CCDC66: variants seen among roughly 807,000 people sequenced by gnomAD.
CCDC66 encodes coiled-coil domain containing 66.
A neutral mutation model predicts 128.3 loss-of-function variants in CCDC66; 133 were observed. The ratio of observed to expected loss-of-function variants is 1.04; its 90% CI spans 0.90 to 1.20. The LOEUF (loss-of-function observed/expected upper bound fraction) is 1.20. Among genes scored for constraint, CCDC66 ranks in the 50% most tolerant of loss-of-function variants. CCDC66 has a pLI of 0.00. For synonymous variants in CCDC66, 387 were observed against 357.0 expected, an observed-to-expected ratio of 1.08 and a Z score of -0.95; for missense variants, 1,126 against 1,075.5, an observed-to-expected ratio of 1.05 and a Z score of -0.66.
rs776114746 is a variant in CCDC66 at position 56,557,217 on chromosome 3, C to G, written c.-26C>G. On this transcript the variant is annotated 5_prime_UTR_variant, in exon 1 of 18. Transcript: ENST00000394672. ...GACGTACACAAGGGGCTTGAGCGTTCTGTGGAGAGAGTGCGAGGTCAGGCC... is the reference window on the plus strand; with the variant it reads ...GACGTACACAAGGGGCTTGAGCGTTGTGTGGAGAGAGTGCGAGGTCAGGCC... 2 of 1,550,918 alleles carry G rather than the reference C, an allele frequency of 1.3e-6. No homozygotes were observed. Among genetic ancestry groups the G allele is most frequent in the East Asian group, 2.4e-5 (1 of 40,834 alleles).
At chr3:56,615,396 T>TGG in intron 12 of CCDC66, 124 bp downstream of exon 12, 1 of 871,662 alleles carries the variant, frequency 1.1e-6, no homozygotes, top group Non-Finnish European at 1.7e-6. Flanking sequence ...AGTGGTGCCA[T>TGG]CACAGCTCAC....
rs370165016 is a variant in CCDC66, at chr3:56,619,388, T to TCAAA, written c.2499_2502dup (p.Glu835AsnfsTer9). 1.1e-5 allele frequency: 17 copies of TCAAA among 1,614,004 alleles called. 1 individual carries two copies. The South Asian group carries it at 1.4e-4, about 14-fold the overall frequency. ...GAGAGAATTTGATCTCAGGAAGTAA[T>TCAAA]CAAACAGAATTATCATCTGGGATTT... On this transcript the variant is annotated frameshift_variant, in exon 16 of 18. Transcript: ENST00000394672. LOFTEE classifies it high-confidence loss of function.
chr3:56,581,104 T>C (rs1280755263), intron 7 of CCDC66, among the ~76,000 whole-genome samples: 1 of 147,062 alleles, frequency 6.8e-6, no homozygotes, highest in East Asian at 2.2e-4. Context: ...TTTGTTTGTT[T>C]CTTTTTACTC....
At position 56,593,114 on chromosome 3, in the gene CCDC66, G is replaced by A; in HGVS notation, c.1068+13G>A. On this transcript the variant is annotated intron_variant, in intron 8 of 17. Transcript: ENST00000394672. ...TATATATTCAAAGGTAACTTATGAG[G>A]TTTTGTGGCTATAAAAGAAAAAATA... 1 of 1,544,310 alleles carries A rather than the reference G, an allele frequency of 6.5e-7. No homozygotes were observed. Among genetic ancestry groups the A allele is most frequent in the Non-Finnish European group, 8.8e-7 (1 of 1,141,484 alleles).
At chr3:56,583,838 C>A (rs975649250) in intron 7 of CCDC66, among the ~76,000 whole-genome samples, 5 of 150,734 alleles carry the variant, frequency 3.3e-5, no homozygotes, top group African/African-American at 1.2e-4. Flanking sequence ...GGGTGGCGGC[C>A]AGGAAGAGGG....
rs763711096 is a variant in CCDC66, at chr3:56,619,817, C to T, written c.2676C>T (p.Val892=). Residue 892 remains valine (V), a synonymous_variant, in exon 17 of 18, where the codon GTC becomes GTT. Coordinates refer to ENST00000394672, the MANE Select transcript of CCDC66 (RefSeq NM_001141947.3). ...GACAGCTATTTGATTCTGACTGTGT[C>T]AGGGATCCACTTCTTAATCCTAACA... ...QKRQLFDSDC[V]RDPLLNPNMV... is the part of the protein sequence containing the mutation. 6.2e-7 allele frequency: 1 copy of T among 1,614,064 alleles called. No homozygotes were observed. The highest frequency in any genetic ancestry group is 1.1e-5 in the South Asian group (1 of 91,056).
intron 17 of CCDC66, chr3:56,620,278 A>T (rs942125112): frequency 2.5e-5 from 4 of 157,212 alleles, no homozygotes; most frequent in African/African-American, 9.6e-5. Context: ...ACGTGTTGGC[A>T]GTGTTTGTTA....
Position 56,576,721 on chromosome 3 carries a change from A to G in CCDC66, c.936+5419A>G, listed in dbSNP as rs1010218135. ...GGTTTCCAGCTTCATCCATGTCCCT[A>G]CAAAGGACATGAACTCATCTTTTTT... is the stretch of plus-strand genomic sequence containing the variant. On this transcript the variant is annotated intron_variant, in intron 7 of 17. Transcript: ENST00000394672. Among the ~76,000 whole-genome samples, 6 of 151,516 alleles carry G rather than the reference A, an allele frequency of 4.0e-5. 1 individual carries two copies. In the Admixed American group the frequency reaches 4.0e-4, roughly 10 times the overall value.
At chr3:56,563,271 G>T (rs1311185317) in intron 3 of CCDC66, among the ~76,000 whole-genome samples, 1 of 151,974 alleles carries the variant, frequency 6.6e-6, no homozygotes, top group Non-Finnish European at 1.5e-5. Flanking sequence ...TGAGGCAGGA[G>T]AATTGCTTCA....
intron 8 of CCDC66, 150 bp downstream of exon 8, chr3:56,593,251 T>C (rs750604187): frequency 3.8e-6 from 3 of 782,954 alleles, no homozygotes; most frequent in Non-Finnish European, 5.9e-6. Context: ...ATTGAATGCA[T>C]TATGTGATGT....
intron 3 of CCDC66, among the ~76,000 whole-genome samples, chr3:56,560,658 T>G (rs903431780): frequency 3.3e-5 from 5 of 152,084 alleles, no homozygotes; most frequent in Non-Finnish European, 5.9e-5. Flanking sequence ...AGATGGAGGT[T>G]GTAGTGAGCC....
chr3:56,595,744 G>A (rs1294100923), intron 10 of CCDC66, among the ~76,000 whole-genome samples: 2 of 152,188 alleles, frequency 1.3e-5, no homozygotes, highest in Non-Finnish European at 2.9e-5. Context: ...TAAATATCCA[G>A]TACTGGGAAT....
At chr3:56,567,093 T>C in intron 6 of CCDC66, 40 bp downstream of exon 6, 2 of 1,482,716 alleles carry the variant, frequency 1.3e-6, no homozygotes, top group Non-Finnish European at 1.9e-6. Flanking sequence ...TTTATTGGCT[T>C]AAAGAATATG....
rs749614843 is a variant in CCDC66 at position 56,621,662 on chromosome 3, A to G, written c.*44A>G. ...TTCACATTTGATTTGTGTCTTCCAA[A>G]TTATAAAATGTGCTCACTGGCTCAA... On this transcript the variant is annotated 3_prime_UTR_variant, in exon 18 of 18. Coordinates refer to ENST00000394672, the MANE Select transcript of CCDC66 (RefSeq NM_001141947.3). The G allele has an allele frequency of 3.7e-6, 5 of 1,361,186 alleles. No homozygotes were observed. The South Asian group carries it at 6.3e-5, about 17-fold the overall frequency. The allele number at this position is 1,361,186 out of a possible 1,614,324, so 84.3% of individuals were successfully genotyped here.
intron 17 of CCDC66, 161 bp downstream of exon 17, chr3:56,620,062 T>C: frequency 1.5e-6 from 1 of 677,346 alleles, no homozygotes; most frequent in Non-Finnish European, 2.3e-6. Context: ...AAAATGGGAC[T>C]TTCCTAAGAC....
In CCDC66 at chr3:56,619,219, G is replaced by GAGAT. The variant is rs1553714391; in HGVS notation, c.2379-50_2379-47dup. The GAGAT allele has an allele frequency of 3.7e-6, 5 of 1,343,694 alleles. No homozygotes were observed. The African/African-American group carries it at 6.0e-5, about 16-fold the overall frequency. 83.2% of individuals were successfully genotyped at this position (1,343,694 alleles called of 1,614,324 possible). A position where few individuals can be genotyped will look rare whatever the true frequency, so the allele number is the denominator to read the frequency against. On this transcript the variant is annotated intron_variant, in intron 15 of 17. Transcript: ENST00000394672. Reference sequence around the variant, plus strand: ...ATAAATAAAGTGAAATGTGATTAAAGAGATATACTTAATCTAAATACACAA... The same window carrying GAGAT: ...ATAAATAAAGTGAAATGTGATTAAAGAGATAGATATACTTAATCTAAATACACAA...
chr3:56,588,460 A>T (rs1026256883), intron 7 of CCDC66, among the ~76,000 whole-genome samples: 35 of 152,110 alleles, frequency 2.3e-4, no homozygotes, highest in South Asian at 6.2e-4. Context: ...AGAAATAAAA[A>T]TTTTTTTAAA....
At chr3:56,572,387 C>T in intron 7 of CCDC66, 1 of 1,289,568 alleles carries the variant, frequency 7.8e-7, no homozygotes, top group Non-Finnish European at 1.0e-6. Context: ...GTGGTCCAAG[C>T]TGATGGGGCA....
intron 10 of CCDC66, among the ~76,000 whole-genome samples, chr3:56,606,974 G>A (rs1362104008): frequency 6.6e-6 from 1 of 152,056 alleles, no homozygotes; most frequent in East Asian, 1.9e-4. Flanking sequence ...TTATTTCTGG[G>A]TTCTCTGTTC....
Sources: allele counts gnomAD v4.1 joint callset (sites outside exome capture counted in the v4.1 genomes callset), GRCh38; gene constraint gnomAD v4.1.1; transcripts MANE v1.5; gene names NCBI Gene and HGNC (gene_info 2026-07-23, HGNC 2026-07-21).